Variants in PACRG observed in about 807,000 individuals in gnomAD.
PACRG encodes the protein parkin coregulated gene protein.
Under a neutral mutation model 29.7 loss-of-function variants are expected in PACRG, and 29 were observed. The observed-to-expected ratio is 0.98, with a 90% CI of 0.73 to 1.33. The LOEUF is 1.33. Ranked by LOEUF, PACRG falls within the 40% of genes most tolerant of loss-of-function variation. The pLI is 0.00. For synonymous variants in PACRG, 116 were observed against 118.7 expected (o/e 0.98, Z 0.15); for missense variants, 279 against 316.2 (o/e 0.88, Z 0.89).
chr6:163,275,316 T>A (rs770356278), intron 4 of PACRG, among the ~76,000 whole-genome samples: 3 of 152,222 alleles, frequency 2.0e-5, no homozygotes, highest in Non-Finnish European at 2.9e-5. Context: ...CAGCATCATT[T>A]CTACGTTACC....
intron 3 of PACRG, among the ~76,000 whole-genome samples, chr6:163,064,447 GT>G (rs978879505): frequency 3.9e-5 from 6 of 152,166 alleles, no homozygotes; most frequent in Non-Finnish European, 8.8e-5. Flanking sequence ...ATGATTTAGG[GT>G]TCCGGAAGCA....
chr6:163,106,469 C>T (rs368300843), intron 4 of PACRG, among the ~76,000 whole-genome samples: 2 of 152,090 alleles, frequency 1.3e-5, no homozygotes, highest in East Asian at 3.9e-4. Context: ...TTACTGTGAT[C>T]TGTTTTTTAA....
At chr6:163,203,472 C>G (rs1372187908) in intron 4 of PACRG, among the ~76,000 whole-genome samples, 2 of 152,198 alleles carry the variant, frequency 1.3e-5, no homozygotes, top group African/African-American at 4.8e-5. Flanking sequence ...AACACCCTCA[C>G]TGTGGATCAC....
chr6:163,296,116 A>G (rs1454028867), intron 4 of PACRG, among the ~76,000 whole-genome samples: 1 of 152,234 alleles, frequency 6.6e-6, no homozygotes, highest in Non-Finnish European at 1.5e-5. Context: ...CAGGAAATAT[A>G]GGCCCCCAAA....
chr6:163,067,065 G>C (rs1017448793), intron 3 of PACRG, among the ~76,000 whole-genome samples: 8 of 152,200 alleles, frequency 5.3e-5, no homozygotes, highest in Non-Finnish European at 8.8e-5. Flanking sequence ...AAAGATCCCT[G>C]TCCTTCCTCC....
At chr6:163,300,702 T>G (rs1784955066) in intron 4 of PACRG, among the ~76,000 whole-genome samples, 1 of 152,232 alleles carries the variant, frequency 6.6e-6, no homozygotes, top group African/African-American at 2.4e-5. Context: ...ATATAAATTA[T>G]TTTGCAAATA....
At chr6:163,120,885 C>T (rs978065490) in intron 4 of PACRG, among the ~76,000 whole-genome samples, 2 of 152,142 alleles carry the variant, frequency 1.3e-5, no homozygotes, top group African/African-American at 4.8e-5. Flanking sequence ...TTCAAGGGAA[C>T]AATGCCATAC....
intron 4 of PACRG, among the ~76,000 whole-genome samples, chr6:163,186,321 A>G (rs944334341): frequency 1.3e-5 from 2 of 151,726 alleles, no homozygotes; most frequent in Admixed American, 1.3e-4. Context: ...CATTGTCTCC[A>G]CTCTCAGACA....
At chr6:162,985,364 A>T (rs1802799182) in intron 2 of PACRG, among the ~76,000 whole-genome samples, 1 of 152,144 alleles carries the variant, frequency 6.6e-6, no homozygotes, top group Non-Finnish European at 1.5e-5. Flanking sequence ...ACCATGATCA[A>T]GTGGGTTCCA....
chr6:163,228,938 T>C (rs118011509), intron 4 of PACRG, among the ~76,000 whole-genome samples: 2 of 152,224 alleles, frequency 1.3e-5, no homozygotes, highest in Non-Finnish European at 2.9e-5. Flanking sequence ...ACTTTCTCCC[T>C]GGACCTGAAA....
At chr6:162,785,088 G>T (rs1784358460) in intron 1 of PACRG, among the ~76,000 whole-genome samples, 1 of 151,534 alleles carries the variant, frequency 6.6e-6, no homozygotes, top group African/African-American at 2.4e-5. Flanking sequence ...TTATATATAT[G>T]GCTTTCCCAG....
At chr6:162,966,167 A>AAAT (rs1801003347) in intron 2 of PACRG, among the ~76,000 whole-genome samples, 1 of 152,242 alleles carries the variant, frequency 6.6e-6, no homozygotes, top group Non-Finnish European at 1.5e-5. Flanking sequence ...TGGTGCAAGA[A>AAAT]AATAAAGATC....
Position 163,222,511 on chromosome 6 carries a change from C to T in PACRG, c.614-92316C>T, listed in dbSNP as rs1167897523. Among the ~76,000 whole-genome samples the T allele has an allele frequency of 3.3e-5, 5 of 152,268 alleles. No homozygotes were observed. The East Asian group carries it at 5.8e-4, about 18-fold the overall frequency. On this transcript the variant is annotated intron_variant, in intron 4 of 4. Transcript: ENST00000366888. ...AGGAGAATCGCTTGAACCTGGAAGG[C>T]GGAGGTTGCGGTGAGCTGAGATCGC... is the stretch of plus-strand genomic sequence containing the variant.
chr6:162,787,582 G>GTGTGTGTATATATA (rs1198197561), intron 1 of PACRG, among the ~76,000 whole-genome samples: 3 of 62,408 alleles, frequency 4.8e-5, no homozygotes, highest in South Asian at 7.2e-4. Context: ...GTGTGTGTGT[G>GTGTGTGTATATATA]TATATATATA....
At chr6:163,258,728 G>A (rs888060841) in intron 4 of PACRG, among the ~76,000 whole-genome samples, 2 of 148,762 alleles carry the variant, frequency 1.3e-5, no homozygotes, top group East Asian at 2.0e-4. Context: ...CTGCACTCCA[G>A]CCTGGGTGAC....
chr6:162,869,382 G>A (rs1384021211), intron 2 of PACRG, among the ~76,000 whole-genome samples: 2 of 152,022 alleles, frequency 1.3e-5, no homozygotes, highest in South Asian at 2.1e-4. Flanking sequence ...TAGAGTCCAC[G>A]GTATATTATT....
At chr6:163,105,197 G>A (rs1815314067) in intron 4 of PACRG, among the ~76,000 whole-genome samples, 1 of 151,952 alleles carries the variant, frequency 6.6e-6, no homozygotes, top group South Asian at 2.1e-4. Context: ...AATGATTTTA[G>A]TATTAATATA....
chr6:163,044,058 G>A (rs914715895), intron 2 of PACRG, among the ~76,000 whole-genome samples: 1 of 152,130 alleles, frequency 6.6e-6, no homozygotes, highest in Non-Finnish European at 1.5e-5. Flanking sequence ...GGAAGACCTG[G>A]GAGTCAGGGA....
chr6:163,256,051 T>G (rs569846812), intron 4 of PACRG, among the ~76,000 whole-genome samples: 3 of 152,244 alleles, frequency 2.0e-5, no homozygotes, highest in Non-Finnish European at 4.4e-5. Flanking sequence ...AAAGTTATTA[T>G]CCTTCCAGAG....
Sources: gnomAD v4.1 joint callset for allele counts (sites outside exome capture counted in the v4.1 genomes callset) on GRCh38, gnomAD v4.1.1 for gene constraint, MANE v1.5 for transcripts, NCBI Gene and HGNC (gene_info 2026-07-23, HGNC 2026-07-21) for gene names.